BRINP3: variants seen among roughly 807,000 people sequenced by gnomAD.
The protein encoded by BRINP3 is BMP/retinoic acid inducible neural specific 3, also known as BMP/retinoic acid-inducible neural-specific protein 3.
A neutral mutation model predicts 71.0 loss-of-function variants in BRINP3; 19 were observed. That is an observed-to-expected ratio of 0.27 (90% CI 0.19 to 0.39). BRINP3 has a LOEUF of 0.39. Among genes scored for constraint, BRINP3 ranks in the 10% least tolerant of loss-of-function variants. The probability of loss-of-function intolerance (pLI) is 1.00; values close to 1 mark genes in which losing one functional copy is unlikely to be tolerated. For missense variants in BRINP3, 959 were observed against 940.8 expected, an observed-to-expected ratio of 1.02 and a Z score of -0.25; for synonymous variants, 380 against 337.7, an observed-to-expected ratio of 1.13 and a Z score of -1.37.
intron 7 of BRINP3, among the ~76,000 whole-genome samples, chr1:190,153,210 C>T (rs546852460): frequency 6.6e-5 from 10 of 152,196 alleles, no homozygotes; most frequent in South Asian, 4.1e-4. Context: ...TCCCTTGAAT[C>T]GGAATTCAGA....
intron 2 of BRINP3, among the ~76,000 whole-genome samples, chr1:190,303,952 G>A (rs2439824): frequency 0.015 from 2,263 of 151,480 alleles, 29 homozygotes; most frequent in Non-Finnish European, 0.022. Flanking sequence ...TTTCCATTAG[G>A]TAGTACTTCA....
intron 2 of BRINP3, among the ~76,000 whole-genome samples, chr1:190,303,303 T>C (rs1664865312): frequency 6.6e-6 from 1 of 151,780 alleles, no homozygotes; most frequent in African/African-American, 2.4e-5. Flanking sequence ...CAATGTTTTA[T>C]AGAAAAGAAA....
intron 2 of BRINP3, among the ~76,000 whole-genome samples, chr1:190,309,677 A>C (rs568024133): frequency 6.6e-6 from 1 of 151,874 alleles, no homozygotes; most frequent in African/African-American, 2.4e-5. Flanking sequence ...ATTTTGCTTA[A>C]AGTTGATTCA....
At chr1:190,264,319 C>A (rs1661461649) in intron 4 of BRINP3, among the ~76,000 whole-genome samples, 1 of 152,038 alleles carries the variant, frequency 6.6e-6, no homozygotes, top group Admixed American at 6.6e-5. Flanking sequence ...TAATATTAAT[C>A]CACCAATTCT....
chr1:190,247,824 C>T (rs1380623370), intron 4 of BRINP3, among the ~76,000 whole-genome samples: 1 of 151,870 alleles, frequency 6.6e-6, no homozygotes, highest in African/African-American at 2.4e-5. Flanking sequence ...CATGATTCTA[C>T]GGATTTTTAA....
rs561933022 is a variant in BRINP3 at position 190,426,976 on chromosome 1, T to G, written c.236+27679A>C. 1.3e-4 allele frequency among the ~76,000 whole-genome samples: 20 copies of G among 151,944 alleles called. 1 individual carries two copies. The highest frequency in any genetic ancestry group is 6.8e-3 in the Middle Eastern group (2 of 294). ...TTCTGCCTGTAACATCAGAGTAATC[T>G]CCACAGATGTTGAAATTTTTTAAGG... On this transcript the variant is annotated intron_variant, in intron 2 of 7. Coordinates refer to ENST00000367462, the MANE Select transcript of BRINP3 (RefSeq NM_199051.3).
intron 2 of BRINP3, among the ~76,000 whole-genome samples, chr1:190,330,671 A>G (rs898083619): frequency 2.0e-5 from 3 of 152,088 alleles, no homozygotes; most frequent in Non-Finnish European, 4.4e-5. Flanking sequence ...CCAAAAAGAC[A>G]CATGCACTCA....
At chr1:190,244,058 T>G (rs1230549185) in intron 4 of BRINP3, among the ~76,000 whole-genome samples, 1 of 152,098 alleles carries the variant, frequency 6.6e-6, no homozygotes, top group Non-Finnish European at 1.5e-5. Flanking sequence ...AATTGTATAA[T>G]TATTTCATTA....
chr1:190,334,862 T>C (rs989426597), intron 2 of BRINP3, among the ~76,000 whole-genome samples: 12 of 151,640 alleles, frequency 7.9e-5, no homozygotes, highest in African/African-American at 1.2e-4. Flanking sequence ...TTTCTTAAGA[T>C]TAGGAACATG....
chr1:190,200,026 T>A (rs1654862325), intron 6 of BRINP3, among the ~76,000 whole-genome samples: 1 of 152,140 alleles, frequency 6.6e-6, no homozygotes, highest in Non-Finnish European at 1.5e-5. Context: ...TGCCTAATTA[T>A]TCTCCTAGAT....
chr1:190,316,074 CAG>C (rs1665862355), intron 2 of BRINP3, among the ~76,000 whole-genome samples: 1 of 147,396 alleles, frequency 6.8e-6, no homozygotes, highest in African/African-American at 2.5e-5. Context: ...CTGAGGATGA[CAG>C]AGCTGTCAGC....
chr1:190,164,066 G>A (rs1401733213), intron 6 of BRINP3, among the ~76,000 whole-genome samples: 1 of 152,050 alleles, frequency 6.6e-6, no homozygotes, highest in East Asian at 1.9e-4. Context: ...TTAAACTGAT[G>A]AGAGTGGGGA....
At chr1:190,453,940 A>G (rs565074183) in intron 2 of BRINP3, among the ~76,000 whole-genome samples, 2 of 152,348 alleles carry the variant, frequency 1.3e-5, no homozygotes, top group African/African-American at 4.8e-5. Flanking sequence ...TCTTCATGGC[A>G]TAGATCAATA....
intron 2 of BRINP3, among the ~76,000 whole-genome samples, chr1:190,337,468 T>G (rs1212250540): frequency 6.6e-6 from 1 of 152,048 alleles, no homozygotes; most frequent in Admixed American, 6.6e-5. Flanking sequence ...GCTGCCAGCA[T>G]GGCTAGGATA....
intron 4 of BRINP3, among the ~76,000 whole-genome samples, chr1:190,255,983 G>T (rs1186084920): frequency 6.6e-6 from 1 of 152,132 alleles, no homozygotes; most frequent in Admixed American, 6.6e-5. Context: ...GTTCTCATTG[G>T]TTTCAAATAA....
At chr1:190,243,119 G>A (rs1659267077) in intron 4 of BRINP3, among the ~76,000 whole-genome samples, 1 of 152,098 alleles carries the variant, frequency 6.6e-6, no homozygotes, top group Non-Finnish European at 1.5e-5. Context: ...AAACTACACA[G>A]TGACTAGACA....
chr1:190,332,963 A>C (rs751225521), intron 2 of BRINP3, among the ~76,000 whole-genome samples: 1 of 151,618 alleles, frequency 6.6e-6, no homozygotes, highest in South Asian at 2.1e-4. Flanking sequence ...GCTTTATTTC[A>C]CATCTGTTTT....
intron 4 of BRINP3, among the ~76,000 whole-genome samples, chr1:190,254,613 A>G (rs1660477334): frequency 6.6e-6 from 1 of 152,118 alleles, no homozygotes; most frequent in Non-Finnish European, 1.5e-5. Context: ...TGATTTTTGC[A>G]CATTGATTTT....
chr1:190,240,707 C>T (rs1350793275), intron 4 of BRINP3, among the ~76,000 whole-genome samples: 1 of 151,502 alleles, frequency 6.6e-6, no homozygotes, highest in Admixed American at 6.6e-5. Flanking sequence ...TCTGTCTCTA[C>T]TAAAAATACA....
Sources: gnomAD v4.1 joint callset for allele counts (sites outside exome capture counted in the v4.1 genomes callset) on GRCh38, gnomAD v4.1.1 for gene constraint, MANE v1.5 for transcripts, NCBI Gene and HGNC (gene_info 2026-07-23, HGNC 2026-07-21) for gene names.